The following CDKL5 variants were observed in gnomAD, a reference collection of about 807,000 sequenced individuals.
CDKL5 encodes cyclin-dependent kinase-like 5.
A neutral mutation model predicts 61.7 loss-of-function variants in CDKL5; 8 were observed. The observed-to-expected ratio is 0.13, with a 90% confidence interval of 0.08 to 0.23. CDKL5 has a LOEUF of 0.23. CDKL5 is among the 10% of genes least tolerant of loss of function. The probability of loss-of-function intolerance (pLI) is 1.00; values close to 1 mark genes in which losing one functional copy is unlikely to be tolerated. For missense variants in CDKL5, 440 were observed against 734.5 expected (o/e 0.60, Z 4.63); for synonymous variants, 275 against 272.3 (o/e 1.01, Z -0.10).
chrX:18,470,458 T>C (rs1921054022), intron 1 of CDKL5, among the ~76,000 whole-genome samples: 1 of 105,303 alleles, frequency 9.5e-6, no homozygotes, highest in East Asian at 3.0e-4. Flanking sequence ...AACAGGAAAA[T>C]AGCTTTCAGA....
chrX:18,457,983 C>T lies in CDKL5; in HGVS notation c.-163+32288C>T, dbSNP rs1280155418. On this transcript the variant is annotated intron_variant, in intron 1 of 17. Transcript: ENST00000623535. ...TTGCCCAGAGTGGAGTGCAATGGTGCGATCTCGACTCACTGGAACCTCCGC... is the reference window on the plus strand; with the variant it reads ...TTGCCCAGAGTGGAGTGCAATGGTGTGATCTCGACTCACTGGAACCTCCGC... 9.6e-5 allele frequency among the ~76,000 whole-genome samples: 7 copies of T among 72,869 alleles called. No homozygotes were observed. In the Admixed American group the frequency reaches 1.2e-3, roughly 12 times the overall value. The allele number at this position is 72,869 out of a possible 115,157, so 63.3% of individuals were successfully genotyped here.
rs778563361 is a variant in CDKL5, at chrX:18,491,149, C to T, written c.-162-15786C>T. Among the ~76,000 whole-genome samples the T allele has an allele frequency of 1.9e-3, 209 of 111,905 alleles. 2 individuals carry two copies. Among genetic ancestry groups the T allele is most frequent in the African/African-American group, 6.2e-3 (191 of 30,861 alleles). ...TTTAGAATGAATTTACTCAATTGCTCTGGAAGCTTACCTTGGTAAATGATT... is the reference window on the plus strand; with the variant it reads ...TTTAGAATGAATTTACTCAATTGCTTTGGAAGCTTACCTTGGTAAATGATT... On this transcript the variant is annotated intron_variant, in intron 1 of 17. Coordinates refer to ENST00000623535, the MANE Select transcript of CDKL5 (RefSeq NM_001323289.2).
intron 9 of CDKL5, among the ~76,000 whole-genome samples, chrX:18,590,819 A>G (rs1261479166): frequency 8.9e-6 from 1 of 111,832 alleles, no homozygotes; most frequent in Admixed American, 9.5e-5. Flanking sequence ...AGAAAAATCT[A>G]TTATACTCAG....
chrX:18,445,367 C>T (rs182448262), intron 1 of CDKL5, among the ~76,000 whole-genome samples: 2 of 111,550 alleles, frequency 1.8e-5, no homozygotes, highest in Non-Finnish European at 3.8e-5. Flanking sequence ...CATGAGCCAC[C>T]GCATCCAGCC....
At chrX:18,553,618 G>A (rs976230555) in intron 3 of CDKL5, among the ~76,000 whole-genome samples, 4 of 110,445 alleles carry the variant, frequency 3.6e-5, no homozygotes, top group Non-Finnish European at 7.6e-5. Flanking sequence ...TCAGCCTCCC[G>A]AGTAGCTGGG....
At chrX:18,448,047 C>T (rs941621827) in intron 1 of CDKL5, among the ~76,000 whole-genome samples, 6 of 110,774 alleles carry the variant, frequency 5.4e-5, no homozygotes, top group African/African-American at 2.0e-4. Context: ...CCACCATGCC[C>T]GGCTTAAATT....
At chrX:18,544,117 C>T (rs777778245) in intron 3 of CDKL5, among the ~76,000 whole-genome samples, 37 of 112,245 alleles carry the variant, frequency 3.3e-4, no homozygotes, top group South Asian at 1.5e-3. Flanking sequence ...TCCTGAACAC[C>T]CCTCTCTGCC....
At chrX:18,647,164 GA>G in intron 20 of CDKL5, 2 of 1,207,256 alleles carry the variant, frequency 1.7e-6, no homozygotes, top group Admixed American at 2.2e-5. Context: ...AAAAGCACAT[GA>G]AAAAAAATCC....
intron 11 of CDKL5, among the ~76,000 whole-genome samples, chrX:18,599,212 T>A (rs1001159273): frequency 4.4e-5 from 5 of 112,454 alleles, no homozygotes; most frequent in African/African-American, 1.3e-4. Flanking sequence ...AAAGCCTGTT[T>A]CCTGAAAAAC....
intron 1 of CDKL5, among the ~76,000 whole-genome samples, chrX:18,497,827 C>T (rs1202210644): frequency 9.2e-6 from 1 of 108,362 alleles, no homozygotes; most frequent in Non-Finnish European, 1.9e-5. Context: ...TTTCTTCCTT[C>T]CTTTCTTTCC....
At chrX:18,585,466 C>T (rs2147146324) in intron 8 of CDKL5, among the ~76,000 whole-genome samples, 1 of 111,841 alleles carries the variant, frequency 8.9e-6, no homozygotes, top group South Asian at 3.8e-4. Flanking sequence ...AGTGTAAATC[C>T]TGTTTGATGA....
intron 1 of CDKL5, among the ~76,000 whole-genome samples, chrX:18,429,679 A>T (rs937310512): frequency 2.7e-5 from 3 of 112,212 alleles, no homozygotes; most frequent in Non-Finnish European, 5.6e-5. Flanking sequence ...TCTGTTGCCC[A>T]GGCTGAAGTG....
intron 16 of CDKL5, among the ~76,000 whole-genome samples, chrX:18,621,062 A>G (rs1264318009): frequency 8.9e-6 from 1 of 112,214 alleles, no homozygotes. Context: ...TTTTGGTTCT[A>G]GTTTTACTTC....
At chrX:18,480,355 A>G (rs1921501644) in intron 1 of CDKL5, among the ~76,000 whole-genome samples, 1 of 111,849 alleles carries the variant, frequency 8.9e-6, no homozygotes, top group South Asian at 3.7e-4. Flanking sequence ...ACGTAAGTAA[A>G]GTGTCATTTT....
chrX:18,469,760 A>T (rs1343881773), intron 1 of CDKL5, among the ~76,000 whole-genome samples: 2 of 111,581 alleles, frequency 1.8e-5, no homozygotes, highest in East Asian at 5.6e-4. Context: ...TCTAATGACT[A>T]CTTCATATGT....
At chrX:18,623,229 A>C (rs989282583) in intron 16 of CDKL5, among the ~76,000 whole-genome samples, 3 of 111,874 alleles carry the variant, frequency 2.7e-5, no homozygotes, top group Non-Finnish European at 3.8e-5. Context: ...CTTCCATTTA[A>C]ATATTGAAAT....
Position 18,630,190 on chromosome X carries a change from C to A in CDKL5, c.*1433C>A, listed in dbSNP as rs1027627440. The A allele has an allele frequency of 1.3e-6, 1 of 751,066 alleles. No individual in the cohort carries two copies. Among genetic ancestry groups the A allele is most frequent in the African/African-American group, 2.3e-5 (1 of 42,784 alleles). 61.9% of individuals were successfully genotyped at this position (751,066 alleles called of 1,213,427 possible). A position where few individuals can be genotyped will look rare whatever the true frequency, so the allele number is the denominator to read the frequency against. On this transcript the variant is annotated 3_prime_UTR_variant, in exon 18 of 18. Transcript: ENST00000623535. ...ACAAGATTTTCATGCACACCTGTTA[C>A]GCACACAACCCCCATCAGAACAGGA...
In CDKL5 at chrX:18,634,624, A is replaced by G. The variant is rs997828784; in HGVS notation, c.*5867A>G. 3 of 754,160 alleles carry G rather than the reference A, an allele frequency of 4.0e-6. No homozygotes were observed. Among genetic ancestry groups the G allele is most frequent in the African/African-American group, 4.6e-5 (2 of 43,815 alleles). 62.2% of individuals were successfully genotyped at this position (754,160 alleles called of 1,213,427 possible). A position where few individuals can be genotyped will look rare whatever the true frequency, so the allele number is the denominator to read the frequency against. On this transcript the variant is annotated 3_prime_UTR_variant, in exon 18 of 18. Coordinates refer to ENST00000623535, the MANE Select transcript of CDKL5 (RefSeq NM_001323289.2). Reference sequence around the variant, plus strand: ...GAGACACACAATGATTCTGGCCCTCAGTCTGTTTCCCTCCCCTTGTTTACT... The same window carrying G: ...GAGACACACAATGATTCTGGCCCTCGGTCTGTTTCCCTCCCCTTGTTTACT...
In CDKL5 at chrX:18,619,890, A is replaced by G; in HGVS notation, c.2300A>G (p.His767Arg). The G allele has an allele frequency of 2.5e-6, 3 of 1,195,297 alleles. No individual in the cohort carries two copies. Among genetic ancestry groups the G allele is most frequent in the Non-Finnish European group, 3.4e-6 (3 of 881,255 alleles). Residue 767 changes from histidine to arginine, a missense_variant, in exon 16 of 18, where the codon CAT (histidine) becomes CGT (arginine). By Grantham distance (29) the His-to-Arg change is conservative. Around this residue, in one of 2 missense-constraint regions of CDKL5, gnomAD observed 363 missense variants for 516.3 expected, o/e 0.70. Coordinates refer to ENST00000623535, the MANE Select transcript of CDKL5 (RefSeq NM_001323289.2). ...AGGAAAAGTCCTGAAAATATTAGTC[A>G]TTCAGAGCAACTCAAGGAAAAAGAG... is the stretch of plus-strand genomic sequence containing the variant. ...DPWKSPENISHSEQLKEKEKQ... is the reference protein window; with the variant it reads ...DPWKSPENISRSEQLKEKEKQ...
Sources: allele counts gnomAD v4.1 joint callset (sites outside exome capture counted in the v4.1 genomes callset), GRCh38; gene constraint gnomAD v4.1.1; regional missense constraint gnomAD v4.1.1; transcripts MANE v1.5; gene names NCBI Gene and HGNC (gene_info 2026-07-23, HGNC 2026-07-21).